ABCG1: variants seen among roughly 807,000 people sequenced by gnomAD.
The protein encoded by ABCG1 is ATP binding cassette subfamily G member 1, also known as ATP-binding cassette sub-family G member 1.
In ABCG1, 29 loss-of-function variants were observed where a neutral mutation model predicts 69.2. That is an observed-to-expected ratio of 0.42 (90% confidence interval 0.31 to 0.57). ABCG1 has a LOEUF of 0.57. Ranked by LOEUF, ABCG1 falls within the 20% of genes least tolerant of loss-of-function variation. The probability of loss-of-function intolerance (pLI) is 0.15; values close to 1 mark genes in which losing one functional copy is unlikely to be tolerated. For missense variants in ABCG1, 718 were observed against 898.1 expected (o/e 0.80, Z 2.56); for synonymous variants, 370 against 374.8 (o/e 0.99, Z 0.15).
chr21:42,230,849 T>C (rs1412261407), intron 2 of ABCG1, among the ~76,000 whole-genome samples: 3 of 152,236 alleles, frequency 2.0e-5, no homozygotes, highest in African/African-American at 4.8e-5. Flanking sequence ...ACATTCTTCC[T>C]GTGGAAACCT....
chr21:42,290,345 C>A, intron 11 of ABCG1, 127 bp downstream of exon 11: 1 of 1,073,420 alleles, frequency 9.3e-7, no homozygotes, highest in South Asian at 1.6e-5. Context: ...TTTAAAATAT[C>A]ATCTTCTTTG....
chr21:42,284,781 G>T (rs141814763), intron 7 of ABCG1, 98 bp downstream of exon 7: 18 of 1,482,410 alleles, frequency 1.2e-5, no homozygotes, highest in African/African-American at 6.7e-5. Context: ...CTGTTAGCTC[G>T]TGGGGCGTCT....
chr21:42,276,985 T>C lies in ABCG1; in HGVS notation c.588+40T>C, dbSNP rs373480801. On this transcript the variant is annotated intron_variant, in intron 5 of 14. Transcript: ENST00000398449. The surrounding 1 kb of genome is among the most constrained non-coding windows in gnomAD (Gnocchi z 5.3). Reference sequence around the variant, plus strand: ...TGGTGCCCACAAGTGGTCCAGAAAGTGCATGACGTGCATGTGGAAGGTGTG... The same window carrying C: ...TGGTGCCCACAAGTGGTCCAGAAAGCGCATGACGTGCATGTGGAAGGTGTG... 1.1e-4 allele frequency: 178 copies of C among 1,601,962 alleles called. No individual in the cohort carries two copies. Among genetic ancestry groups the C allele is most frequent in the Middle Eastern group, 1.6e-4 (1 of 6,064 alleles).
At chr21:42,286,098 A>G in intron 8 of ABCG1, 104 bp downstream of exon 8, 1 of 770,968 alleles carries the variant, frequency 1.3e-6, no homozygotes. Context: ...CTTGACTACC[A>G]CAAATAGCTC....
chr21:42,235,787 T>C (rs1310641706), intron 2 of ABCG1, among the ~76,000 whole-genome samples: 1 of 152,160 alleles, frequency 6.6e-6, no homozygotes, highest in African/African-American at 2.4e-5. Context: ...AAGGTCTGTG[T>C]TGATGTTAAT....
At chr21:42,219,043 G>GCACCTGCCGGCCCGCC (rs1271875233), upstream of ABCG1, 1 of 249,324 alleles carries the variant, frequency 4.0e-6, no homozygotes, top group African/African-American at 2.3e-5. This position sits in a 1 kb window ranked among gnomAD's most constrained non-coding sequence, Gnocchi z 5.3. Context: ...AAGAGCACGC[G>GCACCTGCCGGCCCGCC]CACCTGCCGG....
chr21:42,218,270 G>A (rs557924489), upstream of ABCG1, among the ~76,000 whole-genome samples: 1 of 152,312 alleles, frequency 6.6e-6, no homozygotes, highest in South Asian at 2.1e-4. Context: ...AAAAGCATTA[G>A]GGCCTGAGAC....
intron 1 of ABCG1, among the ~76,000 whole-genome samples, chr21:42,225,032 A>G (rs1237397708): frequency 6.6e-6 from 1 of 151,694 alleles, no homozygotes; most frequent in Non-Finnish European, 1.5e-5. Context: ...TAAATTGTCT[A>G]TATCTCAGTT....
At chr21:42,293,612 C>CACACTACACACACACCAT (rs2069136876) in intron 13 of ABCG1, among the ~76,000 whole-genome samples, 1 of 104,424 alleles carries the variant, frequency 9.6e-6, no homozygotes, top group African/African-American at 3.3e-5. Flanking sequence ...GTACACACCA[C>CACACTACACACACACCAT]ACTACACACT....
chr21:42,227,922 C>T (rs2067843003), intron 2 of ABCG1, among the ~76,000 whole-genome samples: 1 of 152,146 alleles, frequency 6.6e-6, no homozygotes, highest in Non-Finnish European at 1.5e-5. Flanking sequence ...ATCATGAGAA[C>T]AGCATGAGGG....
chr21:42,294,686 G>C (rs2276234), intron 14 of ABCG1, 26 bp downstream of exon 14: 8 of 1,599,338 alleles, frequency 5.0e-6, no homozygotes, highest in Admixed American at 3.3e-5. Flanking sequence ...CACGCATGGC[G>C]TGGGGACCGA....
chr21:42,214,865 T>C (rs1184741867), upstream of ABCG1, among the ~76,000 whole-genome samples: 1 of 152,222 alleles, frequency 6.6e-6, no homozygotes, highest in Non-Finnish European at 1.5e-5. Context: ...ATACTTCATA[T>C]TGCCATCAGG....
At chr21:42,230,688 C>T (rs915081248) in intron 2 of ABCG1, among the ~76,000 whole-genome samples, 8 of 152,300 alleles carry the variant, frequency 5.3e-5, no homozygotes, top group East Asian at 3.9e-4. Flanking sequence ...TTTATTAGGG[C>T]GTGATTGGCC....
intron 2 of ABCG1, among the ~76,000 whole-genome samples, chr21:42,265,643 G>C (rs413656): frequency 5.9e-5 from 9 of 151,726 alleles, no homozygotes; most frequent in African/African-American, 1.7e-4. Context: ...TCCAGCCTCC[G>C]GGGCTGTGAG....
chr21:42,260,122 G>A lies in ABCG1; in HGVS notation c.287-10948G>A, dbSNP rs767813423. On this transcript the variant is annotated intron_variant, in intron 2 of 14. Coordinates refer to ENST00000398449, the MANE Select transcript of ABCG1 (RefSeq NM_016818.3). ...AGGGCCTATGGTTGGGGGTTTCCTG[G>A]CGATCCCATGGAGGAAGGTGAGGAT... The A allele has an allele frequency of 4.5e-6, 7 of 1,550,466 alleles. No homozygotes were observed. In the African/African-American group the frequency reaches 8.2e-5, roughly 18 times the overall value.
chr21:42,291,612 C>T lies in ABCG1; in HGVS notation c.1609C>T (p.Gln537Ter). The change falls in exon 13 of 15, where the codon CAG becomes TAG. Residue 537 changes from glutamine (Q) to a stop codon, truncating the protein, a stop_gained. Coordinates refer to ENST00000398449, the MANE Select transcript of ABCG1 (RefSeq NM_016818.3). LOFTEE classifies it high-confidence loss of function. The surrounding 1 kb of genome is among the most constrained non-coding windows in gnomAD (Gnocchi z 6.4). ...ALGTMTSLVA[Q>*]SLGLLIGAAS... ...GGGCACCATGACCTCCCTGGTGGCA[C>T]AGTCCCTGGGCCTGCTGATCGGAGC... 6.2e-7 allele frequency: 1 copy of T among 1,609,474 alleles called. No individual in the cohort carries two copies. Among genetic ancestry groups the T allele is most frequent in the Non-Finnish European group, 8.5e-7 (1 of 1,179,870 alleles).
chr21:42,224,944 CTT>C (rs545354317), intron 1 of ABCG1, among the ~76,000 whole-genome samples: 37 of 144,560 alleles, frequency 2.6e-4, no homozygotes, highest in African/African-American at 7.3e-4. Flanking sequence ...GAACACCTAT[CTT>C]TTTTTTTTTT....
Position 42,287,753 on chromosome 21 carries a change from T to A in ABCG1, c.974-136T>A. Reference sequence around the variant, plus strand: ...CGCTGGTTGATAAATGATTTTGACGTCATGCCATTAGCACCGCCACGCAGC... The same window carrying A: ...CGCTGGTTGATAAATGATTTTGACGACATGCCATTAGCACCGCCACGCAGC... On this transcript the variant is annotated intron_variant, in intron 8 of 14. Coordinates refer to ENST00000398449, the MANE Select transcript of ABCG1 (RefSeq NM_016818.3). This position sits in a 1 kb window ranked among gnomAD's most constrained non-coding sequence, Gnocchi z 6.2. 1 of 879,558 alleles carries A rather than the reference T, an allele frequency of 1.1e-6. No homozygotes were observed. Among genetic ancestry groups the A allele is most frequent in the Non-Finnish European group, 1.7e-6 (1 of 585,944 alleles). 54.5% of individuals were successfully genotyped at this position (879,558 alleles called of 1,614,324 possible).
chr21:42,296,561 G>T lies in ABCG1; in HGVS notation c.*169G>T. On this transcript the variant is annotated 3_prime_UTR_variant, in exon 15 of 15. Transcript: ENST00000398449. This position sits in a 1 kb window ranked among gnomAD's most constrained non-coding sequence, Gnocchi z 5.4. ...TCGTGCTCAGCCACTCTGCCCAGCTGGGTTGGATCTTCTCTCCATTCCCCT... is the reference window on the plus strand; with the variant it reads ...TCGTGCTCAGCCACTCTGCCCAGCTTGGTTGGATCTTCTCTCCATTCCCCT... 3.2e-6 allele frequency: 2 copies of T among 618,836 alleles called. No individual in the cohort carries two copies. The highest frequency in any genetic ancestry group is 5.8e-6 in the Non-Finnish European group (2 of 347,440). 38.3% of individuals were successfully genotyped at this position (618,836 alleles called of 1,614,324 possible).
Sources: gnomAD v4.1 joint callset for allele counts (sites outside exome capture counted in the v4.1 genomes callset) on GRCh38, gnomAD v4.1.1 for gene constraint, Gnocchi (gnomAD v3.1) non-coding constraint, MANE v1.5 for transcripts, NCBI Gene and HGNC (gene_info 2026-07-23, HGNC 2026-07-21) for gene names.